The following PUDP variants were observed in gnomAD, a reference collection of about 807,000 sequenced individuals.
PUDP encodes pseudouridine 5'-phosphatase, also known as pseudouridine-5'-phosphatase.
PUDP carries 8 observed loss-of-function variants against 9.4 expected under a neutral mutation model. That is an observed-to-expected ratio of 0.85 (90% CI 0.50 to 1.53). The LOEUF (loss-of-function observed/expected upper bound fraction) is 1.53. PUDP is among the 40% of genes most tolerant of loss of function. PUDP has a pLI of 0.00. For missense variants in PUDP, 188 were observed against 189.7 expected, an observed-to-expected ratio of 0.99 and a Z score of 0.05; for synonymous variants, 99 against 80.7, an observed-to-expected ratio of 1.23 and a Z score of -1.22.
At chrX:6,710,661 G>T (rs769745283) in intron 1 of PUDP, among the ~76,000 whole-genome samples, 2 of 112,140 alleles carry the variant, frequency 1.8e-5, no homozygotes, top group East Asian at 5.6e-4. Context: ...TGTCAGACGT[G>T]CCATTCCAAA....
intron 2 of PUDP, among the ~76,000 whole-genome samples, chrX:7,104,757 T>C (rs1320554300): frequency 8.9e-6 from 1 of 111,992 alleles, no homozygotes; most frequent in African/African-American, 3.2e-5. Flanking sequence ...ACAAAGGGTG[T>C]GTGTTTGCAT....
intron 1 of PUDP, among the ~76,000 whole-genome samples, chrX:7,041,867 CTTTT>C (rs4011478): frequency 1.7e-3 from 169 of 98,527 alleles, no homozygotes; most frequent in Non-Finnish European, 2.7e-3. Flanking sequence ...CTCTCTCTCT[CTTTT>C]TTTTTTTTTT....
At chrX:6,805,489 G>C (rs1926034460) in intron 3 of PUDP, among the ~76,000 whole-genome samples, 1 of 110,065 alleles carries the variant, frequency 9.1e-6, no homozygotes, top group Non-Finnish European at 1.9e-5. Context: ...AAGGGCATAA[G>C]ATGAAGCTGG....
At chrX:7,079,016 C>T (rs1247023371) in intron 2 of PUDP, among the ~76,000 whole-genome samples, 1 of 111,871 alleles carries the variant, frequency 8.9e-6, no homozygotes, top group African/African-American at 3.2e-5. Context: ...ATTATAAACA[C>T]ACCTAAGATA....
At chrX:6,788,728 G>A (rs1925688660) in intron 3 of PUDP, among the ~76,000 whole-genome samples, 1 of 111,767 alleles carries the variant, frequency 8.9e-6, no homozygotes, top group South Asian at 3.7e-4. Flanking sequence ...AAAATAAGTC[G>A]AGGAGCATCT....
intron 1 of PUDP, among the ~76,000 whole-genome samples, chrX:7,024,735 C>T (rs1255655136): frequency 3.2e-5 from 3 of 95,222 alleles, no homozygotes; most frequent in African/African-American, 7.9e-5. Context: ...TACAGGCGCT[C>T]GCCACCTCGC....
intron 3 of PUDP, among the ~76,000 whole-genome samples, chrX:6,874,357 C>G (rs1927219783): frequency 8.9e-6 from 1 of 111,911 alleles, no homozygotes; most frequent in Non-Finnish European, 1.9e-5. Context: ...AGAACCCCAT[C>G]TGAGTATATT....
At position 7,000,422 on chromosome X, in the gene PUDP, T is replaced by A. The variant is rs1293330014; in HGVS notation, c.205-22079A>T. ...TTAATATGTTAATTCTCACAAACAATCCACAAATAATACCAAACCAATGTA... is the reference window on the plus strand; with the variant it reads ...TTAATATGTTAATTCTCACAAACAAACCACAAATAATACCAAACCAATGTA... On this transcript the variant is annotated intron_variant and NMD_transcript_variant, in intron 1 of 3. Transcript: ENST00000655425. Among the ~76,000 whole-genome samples, 3 of 110,319 alleles carry A rather than the reference T, an allele frequency of 2.7e-5. No homozygotes were observed. In the Admixed American group the frequency reaches 2.9e-4, roughly 11 times the overall value.
At chrX:6,789,500 G>A (rs1466113336) in intron 3 of PUDP, among the ~76,000 whole-genome samples, 1 of 110,219 alleles carries the variant, frequency 9.1e-6, no homozygotes, top group African/African-American at 3.3e-5. Context: ...AAAAGCAGGT[G>A]TTTCTTATTG....
chrX:6,913,726 C>G (rs1434735012), intron 3 of PUDP, among the ~76,000 whole-genome samples: 1 of 111,649 alleles, frequency 9.0e-6, no homozygotes, highest in South Asian at 3.8e-4. Flanking sequence ...GCACGTCACT[C>G]TAACTTCAAA....
intron 3 of PUDP, among the ~76,000 whole-genome samples, chrX:6,915,953 A>C (rs1024919335): frequency 9.0e-6 from 1 of 110,927 alleles, no homozygotes. Flanking sequence ...ACCGTAGCAC[A>C]GAAAGTTTAA....
chrX:6,823,972 T>C (rs1189854832), intron 3 of PUDP, among the ~76,000 whole-genome samples: 1 of 112,644 alleles, frequency 8.9e-6, no homozygotes, highest in African/African-American at 3.2e-5. Flanking sequence ...ATCTTGGTTT[T>C]GGTGGGTTTT....
chrX:7,064,047 T>C (rs1278317175), intron 3 of PUDP, among the ~76,000 whole-genome samples: 3 of 112,291 alleles, frequency 2.7e-5, no homozygotes, highest in Non-Finnish European at 5.6e-5. Context: ...TAATTCATCC[T>C]ATAATCATGA....
intron 3 of PUDP, among the ~76,000 whole-genome samples, chrX:6,924,042 T>A (rs750127355): frequency 9.0e-6 from 1 of 110,891 alleles, no homozygotes; most frequent in East Asian, 2.9e-4. Context: ...CACCTTCCAT[T>A]CCTTCGTCCT....
At chrX:7,026,704 T>A (rs767725882) in intron 1 of PUDP, among the ~76,000 whole-genome samples, 16 of 111,879 alleles carry the variant, frequency 1.4e-4, no homozygotes, top group Non-Finnish European at 2.8e-4. Context: ...AACTGGCATC[T>A]AGTGGGAAGA....
intron 1 of PUDP, among the ~76,000 whole-genome samples, chrX:6,991,616 T>C (rs1929178287): frequency 9.3e-6 from 1 of 107,711 alleles, no homozygotes; most frequent in Non-Finnish European, 1.9e-5. Flanking sequence ...AGGTTGAGGC[T>C]ACTGTGAGCT....
At chrX:6,875,276 C>T (rs1927236203) in intron 3 of PUDP, among the ~76,000 whole-genome samples, 1 of 110,665 alleles carries the variant, frequency 9.0e-6, no homozygotes, top group South Asian at 3.9e-4. Flanking sequence ...GGTACGTTGC[C>T]CAGGCTGGTC....
rs1929740159 is a variant in PUDP at position 7,027,885 on chromosome X, CTATATATAGACTA to C, written c.204+49322_204+49334del. Among the ~76,000 whole-genome samples, 4 of 92,888 alleles carry C rather than the reference CTATATATAGACTA, an allele frequency of 4.3e-5. No individual in the cohort carries two copies. The South Asian group carries it at 1.9e-3, about 45-fold the overall frequency. 80.7% of individuals were successfully genotyped at this position (92,888 alleles called of 115,157 possible). A position where few individuals can be genotyped will look rare whatever the true frequency, so the allele number is the denominator to read the frequency against. ...CTATATATATAGAATATATTATTTT[CTATATATAGACTA>C]TATATAGACTATATTTTTCTATATA... On this transcript the variant is annotated intron_variant and NMD_transcript_variant, in intron 1 of 3. Transcript: ENST00000655425.
intron 3 of PUDP, among the ~76,000 whole-genome samples, chrX:6,727,613 T>A (rs1045666765): frequency 1.8e-5 from 2 of 111,683 alleles, no homozygotes; most frequent in African/African-American, 6.5e-5. Flanking sequence ...AGGAGGAACA[T>A]GGTCGTAGGT....
Sources: allele counts gnomAD v4.1 joint callset (sites outside exome capture counted in the v4.1 genomes callset), GRCh38; gene constraint gnomAD v4.1.1; transcripts MANE v1.5; gene names NCBI Gene and HGNC (gene_info 2026-07-23, HGNC 2026-07-21).